The following GLIS3 variants were observed in gnomAD, a reference collection of about 807,000 sequenced individuals.
The protein encoded by GLIS3 is zinc finger protein GLIS3.
GLIS3 carries 53 observed loss-of-function variants against 78.6 expected under a neutral mutation model. That is an observed-to-expected ratio of 0.67 (90% CI 0.54 to 0.85). GLIS3 has a LOEUF of 0.85. GLIS3 is among the 40% of genes least tolerant of loss of function. GLIS3 has a pLI of 0.00. For missense variants in GLIS3, 1,703 were observed against 1,231.1 expected, an observed-to-expected ratio of 1.38 and a Z score of -5.74; for synonymous variants, 684 against 509.9, an observed-to-expected ratio of 1.34 and a Z score of -4.60.
the GLIS3 span, among the ~76,000 whole-genome samples, chr9:4,357,817 T>C: frequency 1.3e-5 from 2 of 152,112 alleles, no homozygotes; most frequent in Non-Finnish European, 1.5e-5. Flanking sequence ...CCACATTGCA[T>C]AGTGTCAGGA....
At chr9:3,911,123 T>C (rs576928000) in intron 6 of GLIS3, among the ~76,000 whole-genome samples, 12 of 151,984 alleles carry the variant, frequency 7.9e-5, no homozygotes, top group Non-Finnish European at 1.8e-4. Flanking sequence ...CTTCCTTCCT[T>C]TCCTTTCTTC....
At chr9:4,263,786 C>CA (rs1234321572) in intron 2 of GLIS3, among the ~76,000 whole-genome samples, 2 of 152,182 alleles carry the variant, frequency 1.3e-5, no homozygotes, top group African/African-American at 4.8e-5. Flanking sequence ...TCCTTCCTTT[C>CA]ACTTGTTAAC....
intron 2 of GLIS3, among the ~76,000 whole-genome samples, chr9:4,218,453 T>C (rs988201356): frequency 6.6e-5 from 10 of 152,328 alleles, no homozygotes; most frequent in African/African-American, 2.4e-4. Flanking sequence ...TAATTTTTTG[T>C]ATTTTTAGTA....
chr9:3,910,321 C>A (rs1824048797), intron 6 of GLIS3, among the ~76,000 whole-genome samples: 1 of 152,104 alleles, frequency 6.6e-6, no homozygotes, highest in Non-Finnish European at 1.5e-5. Context: ...GTGGGTTTTT[C>A]TCTAGGCTGA....
intron 2 of GLIS3, among the ~76,000 whole-genome samples, chr9:4,204,058 G>C (rs546426261): frequency 6.6e-6 from 1 of 152,270 alleles, no homozygotes; most frequent in South Asian, 2.1e-4. Context: ...ATATACCCAG[G>C]TAACAAACCT....
intron 2 of GLIS3, among the ~76,000 whole-genome samples, chr9:4,182,718 T>A (rs2208560): frequency 1.3e-5 from 2 of 152,172 alleles, no homozygotes; most frequent in African/African-American, 4.8e-5. Flanking sequence ...TATGAGATCA[T>A]TGGCGACTAT....
At chr9:3,915,155 C>G (rs766165218) in intron 6 of GLIS3, among the ~76,000 whole-genome samples, 1 of 152,128 alleles carries the variant, frequency 6.6e-6, no homozygotes, top group African/African-American at 2.4e-5. Context: ...CTAGAGCCTT[C>G]CTATAGCCTG....
At chr9:4,116,590 T>C (rs1490946677) in intron 4 of GLIS3, among the ~76,000 whole-genome samples, 1 of 152,204 alleles carries the variant, frequency 6.6e-6, no homozygotes, top group Non-Finnish European at 1.5e-5. Flanking sequence ...TATCACCTGT[T>C]TGGTTTGCTT....
chr9:4,488,286 T>C, the GLIS3 span, among the ~76,000 whole-genome samples: 1 of 152,252 alleles, frequency 6.6e-6, no homozygotes, highest in East Asian at 1.9e-4. Context: ...TGTGATCAAA[T>C]TGTACATGCA....
chr9:4,016,050 G>C (rs541520835), intron 4 of GLIS3, among the ~76,000 whole-genome samples: 1 of 152,098 alleles, frequency 6.6e-6, no homozygotes, highest in Non-Finnish European at 1.5e-5. Flanking sequence ...GCTATTAAGC[G>C]TATAGTACTA....
At chr9:4,384,106 G>A in the GLIS3 span, among the ~76,000 whole-genome samples, 1 of 152,180 alleles carries the variant, frequency 6.6e-6, no homozygotes, top group Non-Finnish European at 1.5e-5. Context: ...TGTGGCCTTT[G>A]GGGGTTAACC....
intron 8 of GLIS3, among the ~76,000 whole-genome samples, chr9:3,869,030 C>G (rs936468299): frequency 4.6e-5 from 7 of 152,124 alleles, no homozygotes; most frequent in African/African-American, 1.7e-4. Flanking sequence ...TGGTGTCTTC[C>G]GTTAGACTGG....
At chr9:4,304,415 C>G (rs1587373165), upstream of GLIS3, among the ~76,000 whole-genome samples, 2 of 152,210 alleles carry the variant, frequency 1.3e-5, no homozygotes, top group South Asian at 4.2e-4. Context: ...GAAGAAAATT[C>G]AAAGACTTTA....
At chr9:3,861,417 C>G (rs1382128347) in intron 8 of GLIS3, among the ~76,000 whole-genome samples, 2 of 151,952 alleles carry the variant, frequency 1.3e-5, no homozygotes, top group East Asian at 1.9e-4. Flanking sequence ...TACCCAAATC[C>G]CATTACTTTG....
At chr9:4,281,858 G>C (rs1827584902) in intron 2 of GLIS3, among the ~76,000 whole-genome samples, 1 of 152,210 alleles carries the variant, frequency 6.6e-6, no homozygotes, top group East Asian at 1.9e-4. Context: ...GGTGTCCAAA[G>C]GATATCACAT....
intron 2 of GLIS3, among the ~76,000 whole-genome samples, chr9:4,331,950 C>T (rs1817692184): frequency 6.6e-6 from 1 of 152,136 alleles, no homozygotes; most frequent in Non-Finnish European, 1.5e-5. Context: ...GGAAAGATAC[C>T]AGGGAGACTA....
intron 3 of GLIS3, among the ~76,000 whole-genome samples, chr9:4,309,949 T>C (rs942285603): frequency 2.6e-5 from 4 of 152,248 alleles, no homozygotes; most frequent in South Asian, 4.1e-4. Context: ...TGTGCTATAT[T>C]TTCAAAGAAA....
intron 2 of GLIS3, among the ~76,000 whole-genome samples, chr9:4,193,901 G>T (rs1250843212): frequency 6.6e-6 from 1 of 152,234 alleles, no homozygotes; most frequent in Admixed American, 6.5e-5. Flanking sequence ...GCTGACGAAT[G>T]AACATTTTGA....
chr9:3,872,197 T>C (rs562134500), intron 8 of GLIS3, among the ~76,000 whole-genome samples: 1 of 152,346 alleles, frequency 6.6e-6, no homozygotes, highest in South Asian at 2.1e-4. Context: ...TCCGTATCTC[T>C]ATCAGCATTT....
Sources: gnomAD v4.1 joint callset for allele counts (sites outside exome capture counted in the v4.1 genomes callset) on GRCh38, gnomAD v4.1.1 for gene constraint, MANE v1.5 for transcripts, NCBI Gene and HGNC (gene_info 2026-07-23, HGNC 2026-07-21) for gene names.